COL25A1: variants seen among roughly 807,000 people sequenced by gnomAD.
COL25A1 encodes collagen type XXV alpha 1 chain, also known as collagen alpha-1(XXV) chain.
A neutral mutation model predicts 128.4 loss-of-function variants in COL25A1; 103 were observed. The observed-to-expected ratio is 0.80, with a 90% CI of 0.68 to 0.94. COL25A1 has a LOEUF of 0.94. Ranked by LOEUF, COL25A1 falls within the 40% of genes least tolerant of loss-of-function variation. The pLI, the probability that COL25A1 is intolerant of heterozygous loss-of-function variation, is 0.00. For synonymous variants in COL25A1, 279 were observed against 277.2 expected, an observed-to-expected ratio of 1.01 and a Z score of -0.06; for missense variants, 745 against 840.0, an observed-to-expected ratio of 0.89 and a Z score of 1.40.
rs561846546 is a variant in COL25A1, at chr4:109,041,547, T to A, written c.420+6621A>T. Reference sequence around the variant, plus strand: ...GTTCTTTTTACTTCTTCAGAATTATTTCCAGTAGGACAGTGGAGACTTAGG... The same window carrying A: ...GTTCTTTTTACTTCTTCAGAATTATATCCAGTAGGACAGTGGAGACTTAGG... On this transcript the variant is annotated intron_variant, in intron 5 of 37. Transcript: ENST00000399132. Among the ~76,000 whole-genome samples, 23 of 152,240 alleles carry A rather than the reference T, an allele frequency of 1.5e-4. No individual in the cohort carries two copies. In the South Asian group the frequency reaches 4.6e-3, roughly 30 times the overall value.
intron 3 of COL25A1, among the ~76,000 whole-genome samples, chr4:109,123,396 T>C (rs1768288134): frequency 6.6e-6 from 1 of 152,078 alleles, no homozygotes; most frequent in Non-Finnish European, 1.5e-5. Context: ...AAATATGTCC[T>C]CCTAAATGAA....
intron 31 of COL25A1, among the ~76,000 whole-genome samples, chr4:108,837,567 T>C (rs552432461): frequency 1.3e-5 from 2 of 152,236 alleles, no homozygotes; most frequent in East Asian, 1.9e-4. Flanking sequence ...AAGAACCTCA[T>C]AACAGGGAAT....
At chr4:108,824,279 A>G in intron 34 of COL25A1, 52 bp from the exon 35 acceptor site, 1 of 1,222,134 alleles carries the variant, frequency 8.2e-7, no homozygotes, top group Non-Finnish European at 1.2e-6. Flanking sequence ...TAGTGGCAAA[A>G]TCATATAGAA....
intron 3 of COL25A1, among the ~76,000 whole-genome samples, chr4:109,112,748 TATATA>T: frequency 6.6e-6 from 1 of 152,122 alleles, no homozygotes; most frequent in East Asian, 1.9e-4. Context: ...AGTGAACAAG[TATATA>T]ATATAAACTA....
At position 109,263,160 on chromosome 4, in the gene COL25A1, C is replaced by T. The variant is rs554805405; in HGVS notation, c.367+37423G>A. ...ACAACAACAACAACAACAACAAAAC[C>T]TTTCAAAATAAGAGCAATATTTTAA... On this transcript the variant is annotated intron_variant, in intron 3 of 37. Transcript: ENST00000399132. 1.1e-4 allele frequency among the ~76,000 whole-genome samples: 17 copies of T among 151,906 alleles called. No homozygotes were observed. The East Asian group carries it at 2.3e-3, about 21-fold the overall frequency.
At chr4:108,891,056 A>G (rs1466198291) in intron 16 of COL25A1, among the ~76,000 whole-genome samples, 19 of 152,216 alleles carry the variant, frequency 1.2e-4, no homozygotes. Context: ...ACAGTTAGCT[A>G]CATGTGAGCA....
At chr4:108,841,644 A>G (rs779603739) in intron 31 of COL25A1, 51 bp downstream of exon 31, 3 of 1,474,174 alleles carry the variant, frequency 2.0e-6, no homozygotes, top group East Asian at 2.3e-5. Flanking sequence ...ATGCTTCTCC[A>G]TGATTATCAA....
intron 8 of COL25A1, among the ~76,000 whole-genome samples, chr4:108,969,973 C>T (rs566831066): frequency 6.6e-6 from 1 of 152,296 alleles, no homozygotes; most frequent in South Asian, 2.1e-4. Context: ...GCTATCTTGG[C>T]TCACTGCAAC....
chr4:109,117,595 A>G (rs2126048228), intron 3 of COL25A1, among the ~76,000 whole-genome samples: 1 of 152,084 alleles, frequency 6.6e-6, no homozygotes, highest in South Asian at 2.1e-4. Flanking sequence ...TGAAAGTAAA[A>G]TGGAAACTGT....
At chr4:108,889,335 C>T in intron 17 of COL25A1, 79 bp from the exon 18 acceptor site, 2 of 1,353,128 alleles carry the variant, frequency 1.5e-6, no homozygotes, top group Non-Finnish European at 2.1e-6. Context: ...GGCACCATCA[C>T]AGGGATGGCC....
In COL25A1 at chr4:108,941,360, CACT is replaced by C. The variant is rs770452091; in HGVS notation, c.564+3_564+5del. On this transcript the variant is annotated splice_donor_5th_base_variant and intron_variant, in intron 9 of 37. Coordinates refer to ENST00000399132, the MANE Select transcript of COL25A1 (RefSeq NM_198721.4). Reference sequence around the variant, plus strand: ...GAAATCAGACTTCAGCAAGAATAAGCACTACCTTAATCAGGCGGCGTTTAATGA... The same window carrying C: ...GAAATCAGACTTCAGCAAGAATAAGCACCTTAATCAGGCGGCGTTTAATGA... 15 of 1,611,076 alleles carry C rather than the reference CACT, an allele frequency of 9.3e-6. No homozygotes were observed. Among genetic ancestry groups the C allele is most frequent in the Non-Finnish European group, 1.2e-5 (14 of 1,177,456 alleles).
At chr4:108,832,666 A>G (rs1012474957) in intron 31 of COL25A1, 7 of 416,782 alleles carry the variant, frequency 1.7e-5, no homozygotes, top group South Asian at 1.1e-4. Context: ...GAAAAGCTGC[A>G]TATCATATTT....
chr4:109,110,579 T>C (rs1766902387), intron 3 of COL25A1, among the ~76,000 whole-genome samples: 1 of 152,156 alleles, frequency 6.6e-6, no homozygotes, highest in African/African-American at 2.4e-5. Flanking sequence ...CAATTTCACA[T>C]GGGCAAATTC....
intron 13 of COL25A1, among the ~76,000 whole-genome samples, chr4:108,910,315 G>C (rs1744057880): frequency 6.6e-6 from 1 of 152,166 alleles, no homozygotes; most frequent in African/African-American, 2.4e-5. Flanking sequence ...TGAAGAGAAT[G>C]AGATAATACT....
intron 3 of COL25A1, among the ~76,000 whole-genome samples, chr4:109,178,495 T>C (rs13149803): frequency 0.5 from 76,099 of 151,936 alleles, 21,840 homozygotes; most frequent in Non-Finnish European, 0.65. Context: ...GAGGACAAAC[T>C]ATCTGATCTC....
At chr4:108,897,521 G>A (rs1055404506) in intron 15 of COL25A1, among the ~76,000 whole-genome samples, 3 of 152,128 alleles carry the variant, frequency 2.0e-5, no homozygotes, top group Non-Finnish European at 4.4e-5. Context: ...CACCTACTGG[G>A]CAAATGAGAT....
chr4:109,262,601 TAAG>T (rs1319540308), intron 3 of COL25A1, among the ~76,000 whole-genome samples: 5 of 152,172 alleles, frequency 3.3e-5, no homozygotes, highest in African/African-American at 1.2e-4. Flanking sequence ...TACTATATGT[TAAG>T]AACCATTCCT....
intron 3 of COL25A1, among the ~76,000 whole-genome samples, chr4:109,195,081 T>C (rs1202443664): frequency 6.6e-6 from 1 of 152,078 alleles, no homozygotes; most frequent in Non-Finnish European, 1.5e-5. Flanking sequence ...ACCCCATAAA[T>C]ATATACACCT....
At chr4:108,814,059 T>C in intron 37 of COL25A1, 130 bp from the exon 38 acceptor site, 1 of 664,512 alleles carries the variant, frequency 1.5e-6, no homozygotes, top group Non-Finnish European at 2.7e-6. Flanking sequence ...TGACTGGCTA[T>C]CAATGAGCCA....
Sources: gnomAD v4.1 joint callset for allele counts (sites outside exome capture counted in the v4.1 genomes callset) on GRCh38, gnomAD v4.1.1 for gene constraint, MANE v1.5 for transcripts, NCBI Gene and HGNC (gene_info 2026-07-23, HGNC 2026-07-21) for gene names.